Variants in ARFGEF2 observed in about 807,000 individuals in gnomAD.
ARFGEF2 encodes ARF guanine nucleotide exchange factor 2, also known as brefeldin A-inhibited guanine nucleotide-exchange protein 2.
In ARFGEF2, 74 loss-of-function variants were observed where a neutral mutation model predicts 219.9. The ratio of observed to expected loss-of-function variants is 0.34; its 90% CI spans 0.28 to 0.41. The LOEUF is 0.41. ARFGEF2 is among the 10% of genes least tolerant of loss of function. The probability of loss-of-function intolerance (pLI) is 1.00; values close to 1 mark genes in which losing one functional copy is unlikely to be tolerated. For missense variants in ARFGEF2, 1,743 were observed against 2,218.3 expected (o/e 0.79, Z 4.30); for synonymous variants, 733 against 799.2 (o/e 0.92, Z 1.40).
intron 37 of ARFGEF2, among the ~76,000 whole-genome samples, chr20:49,028,980 A>G (rs765924211): frequency 2.6e-5 from 4 of 152,218 alleles, no homozygotes; most frequent in Admixed American, 6.5e-5. Context: ...GACTGTGGCT[A>G]GAGCCCTGTG....
intron 14 of ARFGEF2, among the ~76,000 whole-genome samples, chr20:48,980,153 A>G (rs147227568): frequency 1.2e-3 from 181 of 152,286 alleles, no homozygotes; most frequent in African/African-American, 4.2e-3. Flanking sequence ...ACTGCTTTAA[A>G]TGTGTCCCAG....
In ARFGEF2 at chr20:48,951,329, A is replaced by C; in HGVS notation, c.283A>C (p.Ile95Leu). ...STSLDCLQKL[I>L]AYGHITGNAP... ...CTGTTCTTTCTCTCTTTAGAAACTC[A>C]TCGCATACGGGCACATCACTGGCAA... Residue 95 changes from isoleucine to leucine, a missense_variant, in exon 4 of 39, where the codon ATC becomes CTC. This residue lies in a region of ARFGEF2 where 394 missense variants were observed against 426.6 expected (regional missense o/e 0.92). Coordinates refer to ENST00000371917, the MANE Select transcript of ARFGEF2 (RefSeq NM_006420.3). 6 of 1,614,150 alleles carry C rather than the reference A, an allele frequency of 3.7e-6. No homozygotes were observed. The highest frequency in any genetic ancestry group is 1.3e-5 in the African/African-American group (1 of 75,044).
chr20:48,951,596 C>A, intron 4 of ARFGEF2, 127 bp downstream of exon 4: 1 of 1,270,758 alleles, frequency 7.9e-7, no homozygotes. Flanking sequence ...AAGATTTAAG[C>A]GTCACTTAGA....
chr20:49,005,611 G>A (rs1313305539), intron 26 of ARFGEF2, among the ~76,000 whole-genome samples: 2 of 151,652 alleles, frequency 1.3e-5, no homozygotes, highest in East Asian at 1.9e-4. Flanking sequence ...GGTGGCGGGC[G>A]CCTATAGGTC....
At chr20:49,014,049 TA>T in intron 30 of ARFGEF2, 89 bp downstream of exon 30, 4 of 1,549,100 alleles carry the variant, frequency 2.6e-6, no homozygotes, top group Non-Finnish European at 3.6e-6. Flanking sequence ...CATCATCGTC[TA>T]CCCAGAGTTC....
chr20:48,986,484 T>C (rs2091327112), intron 16 of ARFGEF2, among the ~76,000 whole-genome samples: 1 of 151,636 alleles, frequency 6.6e-6, no homozygotes, highest in Non-Finnish European at 1.5e-5. Context: ...CAAAAAAAAA[T>C]TAGCTGGGTA....
chr20:48,975,812 A>AAAAAAAAAAAAAG, intron 13 of ARFGEF2, among the ~76,000 whole-genome samples: 1 of 151,808 alleles, frequency 6.6e-6, no homozygotes, highest in African/African-American at 2.4e-5. Flanking sequence ...AAAAAAAAAA[A>AAAAAAAAAAAAAG]GAATTAGCTC....
chr20:48,975,800 C>CAAAA (rs1057511883), intron 13 of ARFGEF2, among the ~76,000 whole-genome samples: 2 of 112,216 alleles, frequency 1.8e-5, no homozygotes, highest in African/African-American at 7.9e-5. Flanking sequence ...GACTCCATCT[C>CAAAA]AAAAAAAAAA....
chr20:49,010,496 C>T, intron 27 of ARFGEF2, 92 bp downstream of exon 27: 1 of 1,450,536 alleles, frequency 6.9e-7, no homozygotes, highest in Non-Finnish European at 9.5e-7. Context: ...CAGGGGCTTC[C>T]CTACCTTGGC....
chr20:48,921,859 C>T lies in ARFGEF2; in HGVS notation c.-31C>T, dbSNP rs1026650986. 2.7e-6 allele frequency: 4 copies of T among 1,504,786 alleles called. No homozygotes were observed. Among genetic ancestry groups the T allele is most frequent in the Non-Finnish European group, 3.6e-6 (4 of 1,124,008 alleles). The allele number at this position is 1,504,786 out of a possible 1,614,324, so 93.2% of individuals were successfully genotyped here. On this transcript the variant is annotated 5_prime_UTR_variant, in exon 1 of 39. Coordinates refer to ENST00000371917, the MANE Select transcript of ARFGEF2 (RefSeq NM_006420.3). ...CCATCTCGCTCACGCCGCCCGCCCG[C>T]GGGGCCGTCAGCCCCCGCCGGGCCG...
intron 3 of ARFGEF2, among the ~76,000 whole-genome samples, chr20:48,947,003 T>C (rs1331426162): frequency 1.3e-5 from 2 of 152,170 alleles, no homozygotes; most frequent in Non-Finnish European, 2.9e-5. Flanking sequence ...ACCGGGGTCT[T>C]ACTTTGTTGC....
chr20:48,984,787 A>T lies in ARFGEF2; in HGVS notation c.2017A>T (p.Thr673Ser). Residue 673 changes from threonine (T) to serine (S), a missense_variant, in exon 15 of 39, where the codon ACG becomes TCG. Coordinates refer to ENST00000371917, the MANE Select transcript of ARFGEF2 (RefSeq NM_006420.3). Reference sequence around the variant, plus strand: ...TCTCCAGGAGCAGGGCATGCTGGGAACGTCAGTTGAAGACATAGCCCAATT... The same window carrying T: ...TCTCCAGGAGCAGGGCATGCTGGGATCGTCAGTTGAAGACATAGCCCAATT... ...QFLQEQGMLG[T>S]SVEDIAQFLH... The T allele has an allele frequency of 6.2e-7, 1 of 1,613,524 alleles. No homozygotes were observed. Among genetic ancestry groups the T allele is most frequent in the Non-Finnish European group, 8.5e-7 (1 of 1,180,018 alleles).
intron 3 of ARFGEF2, among the ~76,000 whole-genome samples, 169 bp from the exon 4 acceptor site, chr20:48,951,154 C>T (rs1389903877): frequency 6.6e-6 from 1 of 151,940 alleles, no homozygotes; most frequent in Non-Finnish European, 1.5e-5. Flanking sequence ...TGCTGTCAGG[C>T]GACAGGACGA....
intron 35 of ARFGEF2, among the ~76,000 whole-genome samples, chr20:49,023,888 G>T (rs149537161): frequency 1.3e-5 from 2 of 152,294 alleles, no homozygotes; most frequent in Admixed American, 1.3e-4. Flanking sequence ...TATATATAAA[G>T]ATCCCAGTTT....
At position 48,972,187 on chromosome 20, in the gene ARFGEF2, C is replaced by T. The variant is rs150265910; in HGVS notation, c.1426-139C>T. ...AGGCCAGGGTCCCGTTGCTGCCCAGCCAGGTGGGCACTCCACTCTTCTTCT... is the reference window on the plus strand; with the variant it reads ...AGGCCAGGGTCCCGTTGCTGCCCAGTCAGGTGGGCACTCCACTCTTCTTCT... On this transcript the variant is annotated intron_variant, in intron 10 of 38. Coordinates refer to ENST00000371917, the MANE Select transcript of ARFGEF2 (RefSeq NM_006420.3). The T allele has an allele frequency of 3.6e-4, 250 of 691,724 alleles. No homozygotes were observed. In the African/African-American group the frequency reaches 4.0e-3, roughly 11 times the overall value. 42.8% of individuals were successfully genotyped at this position (691,724 alleles called of 1,614,324 possible).
At chr20:49,003,461 C>T (rs867189092) in intron 25 of ARFGEF2, among the ~76,000 whole-genome samples, 2 of 151,376 alleles carry the variant, frequency 1.3e-5, no homozygotes, top group Non-Finnish European at 2.9e-5. Context: ...AAAAATTAGC[C>T]GATCTTGGTG....
intron 14 of ARFGEF2, among the ~76,000 whole-genome samples, chr20:48,978,927 A>G (rs2091278726): frequency 6.6e-6 from 1 of 152,212 alleles, no homozygotes; most frequent in Admixed American, 6.5e-5. Flanking sequence ...AAACAGGGAC[A>G]ATTTGACTTC....
At position 48,991,026 on chromosome 20, in the gene ARFGEF2, G is replaced by A; in HGVS notation, c.2815-14G>A. ...GTTGGAGTCACAGTGTTCTCTCTTG[G>A]GTTTCTGTTACAGCTGGAACGAGAT... On this transcript the variant is annotated splice_polypyrimidine_tract_variant and intron_variant, in intron 20 of 38. Coordinates refer to ENST00000371917, the MANE Select transcript of ARFGEF2 (RefSeq NM_006420.3). 1 of 1,612,898 alleles carries A rather than the reference G, an allele frequency of 6.2e-7. No homozygotes were observed. Among genetic ancestry groups the A allele is most frequent in the Non-Finnish European group, 8.5e-7 (1 of 1,179,454 alleles).
In ARFGEF2 at chr20:48,998,250, C is replaced by T. The variant is rs2091403846; in HGVS notation, c.3262+17C>T. On this transcript the variant is annotated intron_variant, in intron 24 of 38. Coordinates refer to ENST00000371917, the MANE Select transcript of ARFGEF2 (RefSeq NM_006420.3). Reference sequence around the variant, plus strand: ...ATGCAATAGGTATGTATTTGACTTACCTGTGAAAACTGCAGAAGCCTCACG... The same window carrying T: ...ATGCAATAGGTATGTATTTGACTTATCTGTGAAAACTGCAGAAGCCTCACG... 1.2e-6 allele frequency: 2 copies of T among 1,614,122 alleles called. No individual in the cohort carries two copies. The highest frequency in any genetic ancestry group is 3.3e-5 in the Admixed American group (2 of 60,016).
Sources: allele counts gnomAD v4.1 joint callset (sites outside exome capture counted in the v4.1 genomes callset), GRCh38; gene constraint gnomAD v4.1.1; regional missense constraint gnomAD v4.1.1; transcripts MANE v1.5; gene names NCBI Gene and HGNC (gene_info 2026-07-23, HGNC 2026-07-21).